Variants in FAM174B observed in about 807,000 individuals in gnomAD.
FAM174B encodes family with sequence similarity 174 member B.
Under a neutral mutation model 10.9 loss-of-function variants are expected in FAM174B, and 12 were observed. The ratio of observed to expected loss-of-function variants is 1.10; its 90% CI spans 0.71 to 1.79. The LOEUF is 1.79. Among genes scored for constraint, FAM174B ranks in the 40% most tolerant of loss-of-function variants. FAM174B has a pLI of 0.00. For synonymous variants in FAM174B, 132 were observed against 115.8 expected (o/e 1.14, Z -0.90); for missense variants, 266 against 233.3 (o/e 1.14, Z -0.91).
chr15:92,646,461 T>C (rs1239502518), intron 1 of FAM174B, among the ~76,000 whole-genome samples: 1 of 152,118 alleles, frequency 6.6e-6, no homozygotes, highest in Admixed American at 6.5e-5. Context: ...AAAATTGAAA[T>C]TCTAAGCCCC....
chr15:92,655,637 GC>G lies in FAM174B; in HGVS notation c.22del (p.Ala8ProfsTer71). ...GAGCAGCAGCAGCGGCAGGAGCGGGGCGGGCAGCGGCACGGCGCGCATAGTG... is the reference window on the plus strand; with the variant it reads ...GAGCAGCAGCAGCGGCAGGAGCGGGGGGGCAGCGGCACGGCGCGCATAGTG... MRAVPLP[A>X]PLLPLLLLAL... On this transcript the variant is annotated frameshift_variant, in exon 1 of 3. Coordinates refer to ENST00000327355, the MANE Select transcript of FAM174B (RefSeq NM_207446.3). LOFTEE classifies it high-confidence loss of function. The G allele has an allele frequency of 8.0e-7, 1 of 1,255,626 alleles. No individual in the cohort carries two copies. Among genetic ancestry groups the G allele is most frequent in the Non-Finnish European group, 9.9e-7 (1 of 1,005,106 alleles). The allele number at this position is 1,255,626 out of a possible 1,614,324, so 77.8% of individuals were successfully genotyped here.
chr15:92,628,407 G>A (rs767278015), intron 2 of FAM174B, among the ~76,000 whole-genome samples: 25 of 143,134 alleles, frequency 1.7e-4, no homozygotes, highest in Non-Finnish European at 3.6e-4. Flanking sequence ...CTCAAACCCT[G>A]GAGCTCAAGA....
At chr15:92,636,590 C>T (rs902676967) in intron 1 of FAM174B, among the ~76,000 whole-genome samples, 24 of 152,126 alleles carry the variant, frequency 1.6e-4, no homozygotes, top group Admixed American at 1.2e-3. Flanking sequence ...GTGAAAGTGC[C>T]GCACAACTAC....
At chr15:92,645,128 C>T (rs2050917617) in intron 1 of FAM174B, among the ~76,000 whole-genome samples, 1 of 152,170 alleles carries the variant, frequency 6.6e-6, no homozygotes. Context: ...AATCATGAGC[C>T]CAGAGAGATG....
intron 1 of FAM174B, among the ~76,000 whole-genome samples, chr15:92,636,632 T>C (rs192456081): frequency 0.011 from 1,717 of 152,214 alleles, 74 homozygotes; most frequent in Admixed American, 0.075. Flanking sequence ...GGAGATAGGC[T>C]GCATGGGGCT....
intron 1 of FAM174B, among the ~76,000 whole-genome samples, chr15:92,650,606 G>C (rs537253442): frequency 1.3e-5 from 2 of 152,316 alleles, no homozygotes; most frequent in East Asian, 3.9e-4. Context: ...TGAGACACCA[G>C]AGCGTAAAGT....
At chr15:92,633,818 G>A (rs887775380) in intron 1 of FAM174B, among the ~76,000 whole-genome samples, 1 of 152,094 alleles carries the variant, frequency 6.6e-6, no homozygotes, top group African/African-American at 2.4e-5. Flanking sequence ...TCCCTCCAAA[G>A]GAGTAAAATA....
intron 1 of FAM174B, 114 bp downstream of exon 1, chr15:92,655,202 G>C: frequency 2.9e-6 from 4 of 1,384,452 alleles, no homozygotes; most frequent in Non-Finnish European, 3.7e-6. Context: ...CACACGGCTG[G>C]CTGGGGCGCA....
At chr15:92,631,483 T>TAC (rs1184566679) in intron 1 of FAM174B, among the ~76,000 whole-genome samples, 2 of 130 alleles carry the variant, frequency 0.015, no homozygotes, top group Non-Finnish European at 0.5. Flanking sequence ...TATAATATAT[T>TAC]ATATATATAT....
chr15:92,647,498 T>C (rs1419041206), intron 1 of FAM174B, among the ~76,000 whole-genome samples: 2 of 151,954 alleles, frequency 1.3e-5, no homozygotes, highest in African/African-American at 4.8e-5. Flanking sequence ...CAGAGAAACC[T>C]GAAAAACTAA....
intron 2 of FAM174B, among the ~76,000 whole-genome samples, chr15:92,624,863 T>G (rs2050743138): frequency 6.6e-6 from 1 of 152,158 alleles, no homozygotes; most frequent in Admixed American, 6.5e-5. Context: ...CCGGGCCGCC[T>G]GCCACACACA....
In FAM174B at chr15:92,619,375, G is replaced by T; in HGVS notation, c.*81C>A. On this transcript the variant is annotated 3_prime_UTR_variant, in exon 3 of 3. Transcript: ENST00000327355. ...GGTTTCAACACCTCCGACGCAAGAG[G>T]GCTTCCAGGTCCAGTCCTTCACACC... The T allele has an allele frequency of 6.4e-7, 1 of 1,557,382 alleles. No individual in the cohort carries two copies. Among genetic ancestry groups the T allele is most frequent in the Non-Finnish European group, 8.9e-7 (1 of 1,128,908 alleles).
chr15:92,651,692 A>C (rs141267156), intron 1 of FAM174B, among the ~76,000 whole-genome samples: 2 of 152,354 alleles, frequency 1.3e-5, no homozygotes, highest in East Asian at 3.9e-4. Flanking sequence ...CACTTGGATT[A>C]TTTAAACCTT....
chr15:92,626,238 A>G (rs1412602139), intron 2 of FAM174B, among the ~76,000 whole-genome samples: 1 of 150,280 alleles, frequency 6.7e-6, no homozygotes, highest in Non-Finnish European at 1.5e-5. Flanking sequence ...AGCTGGGACT[A>G]CAGGCGCCAG....
chr15:92,619,649 C>A (rs985939277), intron 2 of FAM174B, 190 bp from the exon 3 acceptor site: 11 of 628,644 alleles, frequency 1.7e-5, no homozygotes, highest in Middle Eastern at 4.3e-4. Context: ...TCCCTCCCCA[C>A]AGTTCCCAAC....
intron 2 of FAM174B, among the ~76,000 whole-genome samples, chr15:92,627,654 T>C (rs2050761944): frequency 1.3e-5 from 2 of 152,222 alleles, no homozygotes; most frequent in African/African-American, 2.4e-5. Context: ...CTGTCTATCA[T>C]GCTTCCCACG....
chr15:92,626,977 G>C (rs1223661109), intron 2 of FAM174B: 1 of 152,092 alleles, frequency 6.6e-6, no homozygotes, highest in Non-Finnish European at 1.5e-5. Context: ...GCTTGAACCC[G>C]AGAGGCAGAG....
chr15:92,632,133 T>C (rs2050823432), intron 1 of FAM174B, among the ~76,000 whole-genome samples: 1 of 152,246 alleles, frequency 6.6e-6, no homozygotes, highest in South Asian at 2.1e-4. Flanking sequence ...TCATTTCTCC[T>C]AGGTCAAGGG....
At chr15:92,644,053 C>T (rs1290837325) in intron 1 of FAM174B, among the ~76,000 whole-genome samples, 1 of 152,154 alleles carries the variant, frequency 6.6e-6, no homozygotes, top group Non-Finnish European at 1.5e-5. Flanking sequence ...CTACGCTGCA[C>T]CTCCTCCTCA....
Sources: gnomAD v4.1 joint callset for allele counts (sites outside exome capture counted in the v4.1 genomes callset) on GRCh38, gnomAD v4.1.1 for gene constraint, MANE v1.5 for transcripts, NCBI Gene and HGNC (gene_info 2026-07-23, HGNC 2026-07-21) for gene names.